The following NCAM2 variants were observed in gnomAD, a reference collection of about 807,000 sequenced individuals.
NCAM2 encodes N-CAM-2.
In NCAM2, 30 loss-of-function variants were observed where a neutral mutation model predicts 98.1. The observed-to-expected ratio is 0.31, with a 90% CI of 0.23 to 0.41. NCAM2 has a LOEUF of 0.41. Among genes scored for constraint, NCAM2 ranks in the 10% least tolerant of loss-of-function variants. The pLI is 1.00. For missense variants in NCAM2, 867 were observed against 1,005.8 expected (o/e 0.86, Z 1.87); for synonymous variants, 368 against 342.4 (o/e 1.07, Z -0.83).
At chr21:21,134,352 G>A (rs1230110967) in intron 1 of NCAM2, among the ~76,000 whole-genome samples, 1 of 152,084 alleles carries the variant, frequency 6.6e-6, no homozygotes, top group Non-Finnish European at 1.5e-5. Flanking sequence ...CTACAGGCAT[G>A]AGCCACTGTG....
intron 1 of NCAM2, among the ~76,000 whole-genome samples, chr21:21,187,401 G>C (rs751197760): frequency 2.0e-5 from 3 of 151,732 alleles, no homozygotes; most frequent in Non-Finnish European, 2.9e-5. Flanking sequence ...TCTTTCCCTG[G>C]TGAGTTTTAG....
intron 5 of NCAM2, among the ~76,000 whole-genome samples, chr21:21,317,067 C>A (rs2074245527): frequency 6.6e-6 from 1 of 152,164 alleles, no homozygotes; most frequent in African/African-American, 2.4e-5. Context: ...AAGGGCAATA[C>A]AAGACACCAA....
At chr21:21,263,342 C>G (rs1047324550) in intron 1 of NCAM2, among the ~76,000 whole-genome samples, 2 of 151,960 alleles carry the variant, frequency 1.3e-5, no homozygotes, top group Non-Finnish European at 2.9e-5. Flanking sequence ...AACTAGAAAA[C>G]GCTGATCAAA....
At chr21:21,226,183 A>T (rs1043929472) in intron 1 of NCAM2, among the ~76,000 whole-genome samples, 2 of 152,096 alleles carry the variant, frequency 1.3e-5, no homozygotes, top group Non-Finnish European at 2.9e-5. Context: ...GAGGCAAAGG[A>T]TGAAAAACTA....
chr21:21,287,925 TA>T lies in NCAM2; in HGVS notation c.481+1515del, dbSNP rs1158860339. The stretch of plus-strand genomic sequence containing the variant: ...CACAGATGATTGCCTTCATTTAAAA[TA>T]ATGGCTTTGTGTCATAAATGAGACT... On this transcript the variant is annotated intron_variant, in intron 4 of 17. Transcript: ENST00000400546. 3.3e-5 allele frequency among the ~76,000 whole-genome samples: 5 copies of T among 152,044 alleles called. No individual in the cohort carries two copies. The East Asian group carries it at 9.7e-4, about 30-fold the overall frequency.
chr21:21,400,597 CTTTT>C (rs59168731), intron 9 of NCAM2, among the ~76,000 whole-genome samples: 2 of 137,946 alleles, frequency 1.4e-5, no homozygotes, highest in Non-Finnish European at 1.6e-5. Flanking sequence ...TTACCAAAAA[CTTTT>C]TTTTTTTTTT....
At chr21:21,097,278 G>A (rs1412525380) in intron 1 of NCAM2, among the ~76,000 whole-genome samples, 1 of 151,676 alleles carries the variant, frequency 6.6e-6, no homozygotes, top group Non-Finnish European at 1.5e-5. Flanking sequence ...TCCATGTGCT[G>A]AAGAGTTAGC....
chr21:21,236,781 T>C (rs1348190190), intron 1 of NCAM2, among the ~76,000 whole-genome samples: 14 of 150,334 alleles, frequency 9.3e-5, no homozygotes, highest in African/African-American at 3.2e-4. Context: ...TGTGTGTGTG[T>C]GTGTGCATGC....
intron 5 of NCAM2, among the ~76,000 whole-genome samples, chr21:21,300,605 A>T (rs1337278348): frequency 2.0e-5 from 3 of 152,094 alleles, no homozygotes; most frequent in South Asian, 4.1e-4. Context: ...TATCTCACAG[A>T]TAACACCATT....
intron 1 of NCAM2, among the ~76,000 whole-genome samples, chr21:21,261,533 T>C (rs2071899768): frequency 6.6e-6 from 1 of 152,132 alleles, no homozygotes; most frequent in African/African-American, 2.4e-5. Flanking sequence ...TTGAATGCAA[T>C]ACCAAGTGGA....
At chr21:21,213,734 A>T (rs141824321) in intron 1 of NCAM2, among the ~76,000 whole-genome samples, 1 of 152,312 alleles carries the variant, frequency 6.6e-6, no homozygotes, top group Non-Finnish European at 1.5e-5. Flanking sequence ...TAACATATGG[A>T]TATAACATCA....
intron 5 of NCAM2, among the ~76,000 whole-genome samples, chr21:21,318,415 G>T (rs2074281447): frequency 6.6e-6 from 1 of 152,066 alleles, no homozygotes; most frequent in Non-Finnish European, 1.5e-5. Context: ...CCTTTCAACT[G>T]TAACTTTTCA....
chr21:21,217,388 A>C (rs1044499605), intron 1 of NCAM2, among the ~76,000 whole-genome samples: 4 of 152,166 alleles, frequency 2.6e-5, no homozygotes, highest in African/African-American at 9.7e-5. Context: ...CCTAGTGAGT[A>C]TATGTTACCG....
chr21:21,351,741 CTGTTT>C (rs564372770), intron 8 of NCAM2, among the ~76,000 whole-genome samples: 16 of 151,932 alleles, frequency 1.1e-4, no homozygotes, highest in Non-Finnish European at 1.8e-4. Flanking sequence ...TTGTTTGTTT[CTGTTT>C]TGTTTTGTTT....
rs373069415 is a variant in NCAM2 at position 21,007,747 on chromosome 21, C to G, written c.55+9129C>G. On this transcript the variant is annotated intron_variant, in intron 1 of 17. Coordinates refer to ENST00000400546, the MANE Select transcript of NCAM2 (RefSeq NM_004540.5). ...CATCTTGGTTTTGGTAGGTTTTGGC[C>G]GGGTTCTCTACTGCAGCCTGTTTTA... Among the ~76,000 whole-genome samples, 7 of 151,964 alleles carry G rather than the reference C, an allele frequency of 4.6e-5. No individual in the cohort carries two copies. In the East Asian group the frequency reaches 9.7e-4, roughly 21 times the overall value.
At chr21:21,368,447 C>T (rs2148026543) in intron 8 of NCAM2, among the ~76,000 whole-genome samples, 1 of 151,964 alleles carries the variant, frequency 6.6e-6, no homozygotes, top group Non-Finnish European at 1.5e-5. Context: ...CCCTCCCCCA[C>T]CATCTTAGTC....
intron 1 of NCAM2, among the ~76,000 whole-genome samples, chr21:21,031,763 G>A (rs989122996): frequency 2.0e-5 from 3 of 151,730 alleles, no homozygotes; most frequent in African/African-American, 4.9e-5. Flanking sequence ...AATAAATTTT[G>A]TCTCTCTCGA....
Position 21,452,780 on chromosome 21 carries a change from ATTAC to A in NCAM2, c.1655-13823_1655-13820del, listed in dbSNP as rs1360230153. ...ATTACTTTATGTATTAAAATATAGT[ATTAC>A]TTTATATATAAAATATAGTATTACT... On this transcript the variant is annotated intron_variant, in intron 12 of 17. Coordinates refer to ENST00000400546, the MANE Select transcript of NCAM2 (RefSeq NM_004540.5). Among the ~76,000 whole-genome samples the A allele has an allele frequency of 1.1e-4, 9 of 80,558 alleles. No homozygotes were observed. In the East Asian group the frequency reaches 3.3e-3, roughly 30 times the overall value. The allele number at this position is 80,558 out of a possible 152,430, so 52.8% of individuals were successfully genotyped here. A position where few individuals can be genotyped will look rare whatever the true frequency, so the allele number is the denominator to read the frequency against.
chr21:21,519,423 T>C (rs1988890630), intron 16 of NCAM2, among the ~76,000 whole-genome samples: 1 of 152,016 alleles, frequency 6.6e-6, no homozygotes, highest in Admixed American at 6.6e-5. Context: ...ATTTCAGATA[T>C]AGTTGGGGTA....
Sources: gnomAD v4.1 joint callset for allele counts (sites outside exome capture counted in the v4.1 genomes callset) on GRCh38, gnomAD v4.1.1 for gene constraint, MANE v1.5 for transcripts, NCBI Gene and HGNC (gene_info 2026-07-23, HGNC 2026-07-21) for gene names.